Variants in GREM2 observed in about 807,000 individuals in gnomAD.
GREM2 encodes the protein gremlin-2.
A neutral mutation model predicts 14.2 loss-of-function variants in GREM2; 11 were observed. The observed-to-expected ratio is 0.78, with a 90% CI of 0.49 to 1.28. GREM2 has a LOEUF of 1.28. GREM2 is among the 50% of genes most tolerant of loss of function. The pLI, the probability that GREM2 is intolerant of heterozygous loss-of-function variation, is 0.00. For synonymous variants in GREM2, 98 were observed against 97.6 expected, an observed-to-expected ratio of 1.00 and a Z score of -0.02; for missense variants, 210 against 218.5, an observed-to-expected ratio of 0.96 and a Z score of 0.24.
intron 1 of GREM2, among the ~76,000 whole-genome samples, chr1:240,589,567 A>C (rs1679668146): frequency 6.6e-6 from 1 of 151,924 alleles, no homozygotes; most frequent in Non-Finnish European, 1.5e-5. Context: ...TATCTCTTCT[A>C]CTTTCTTTGG....
At chr1:240,589,409 T>A (rs1019053151) in intron 1 of GREM2, among the ~76,000 whole-genome samples, 1 of 146,914 alleles carries the variant, frequency 6.8e-6, no homozygotes, top group Non-Finnish European at 1.5e-5. Flanking sequence ...CACTCCAGCC[T>A]GGGCAACAAA....
intron 1 of GREM2, among the ~76,000 whole-genome samples, chr1:240,565,802 C>T (rs1160642615): frequency 2.7e-5 from 4 of 148,924 alleles, no homozygotes; most frequent in Non-Finnish European, 5.9e-5. Context: ...GCCAAGATCG[C>T]ACCACTGCAC....
At chr1:240,512,587 T>TACTTTTTGCTA (rs1677858278) in intron 1 of GREM2, among the ~76,000 whole-genome samples, 1 of 62,522 alleles carries the variant, frequency 1.6e-5, no homozygotes, top group Admixed American at 1.4e-4. Flanking sequence ...CAGTTTGCTC[T>TACTTTTTGCTA]ACTTTTTGCT....
At chr1:240,551,866 T>A (rs1260287789) in intron 1 of GREM2, among the ~76,000 whole-genome samples, 1 of 152,178 alleles carries the variant, frequency 6.6e-6, no homozygotes, top group African/African-American at 2.4e-5. Context: ...TCATAGTTTC[T>A]TCAAGAAAGA....
intron 1 of GREM2, among the ~76,000 whole-genome samples, chr1:240,516,371 G>A (rs1213476057): frequency 6.6e-6 from 1 of 152,060 alleles, no homozygotes; most frequent in Non-Finnish European, 1.5e-5. Flanking sequence ...ATTTGATGTT[G>A]AAAATCCAGT....
intron 1 of GREM2, among the ~76,000 whole-genome samples, chr1:240,507,252 C>G (rs948202479): frequency 1.1e-4 from 16 of 152,142 alleles, no homozygotes; most frequent in African/African-American, 3.1e-4. Context: ...TTTTTCCTTC[C>G]CTCCATTCCT....
Position 240,491,281 on chromosome 1 carries a change from T to A in GREM2, c.*1688A>T, listed in dbSNP as rs1572358426. ...AGTCCCCACAGCGGCTTGCAGAGGG[T>A]CTCTCTCACATACTAGGGAAGTGGC... On this transcript the variant is annotated 3_prime_UTR_variant, in exon 2 of 2. Coordinates refer to ENST00000318160, the MANE Select transcript of GREM2 (RefSeq NM_022469.4). 1 of 152,204 alleles carries A rather than the reference T, an allele frequency of 6.6e-6. No homozygotes were observed. Among genetic ancestry groups the A allele is most frequent in the Non-Finnish European group, 1.5e-5 (1 of 67,998 alleles). The allele number at this position is 152,204 out of a possible 1,614,324, so 9.4% of individuals were successfully genotyped here.
chr1:240,507,279 G>T (rs1381928399), intron 1 of GREM2, among the ~76,000 whole-genome samples: 1 of 151,636 alleles, frequency 6.6e-6, no homozygotes, highest in Non-Finnish European at 1.5e-5. Flanking sequence ...CTGCCTTCCT[G>T]CCTTCCTCCC....
chr1:240,578,595 G>A (rs901474632), intron 1 of GREM2, among the ~76,000 whole-genome samples: 1 of 151,856 alleles, frequency 6.6e-6, no homozygotes, highest in Non-Finnish European at 1.5e-5. Context: ...GACCAGCCTG[G>A]ACAATGTGGT....
intron 1 of GREM2, among the ~76,000 whole-genome samples, chr1:240,556,126 C>A (rs1313375760): frequency 1.3e-5 from 2 of 152,168 alleles, no homozygotes; most frequent in Admixed American, 1.3e-4. Flanking sequence ...GATTCCAATA[C>A]CCTCAAGTAG....
At chr1:240,494,718 G>A (rs1572361219) in intron 1 of GREM2, among the ~76,000 whole-genome samples, 3 of 151,938 alleles carry the variant, frequency 2.0e-5, no homozygotes, top group South Asian at 2.1e-4. Flanking sequence ...TGGCTAACAC[G>A]GTGAAACCCT....
At chr1:240,551,537 CG>C (rs1678852008) in intron 1 of GREM2, among the ~76,000 whole-genome samples, 1 of 151,966 alleles carries the variant, frequency 6.6e-6, no homozygotes, top group African/African-American at 2.4e-5. Flanking sequence ...GTAGTAGAGA[CG>C]GGGTTTCACA....
At chr1:240,604,660 A>G (rs1434963023) in intron 1 of GREM2, among the ~76,000 whole-genome samples, 3 of 152,160 alleles carry the variant, frequency 2.0e-5, no homozygotes, top group Non-Finnish European at 4.4e-5. Flanking sequence ...CTCAATTCTT[A>G]TAGAACACCA....
chr1:240,529,017 G>C (rs909259610), intron 1 of GREM2, among the ~76,000 whole-genome samples: 5 of 152,058 alleles, frequency 3.3e-5, no homozygotes, highest in South Asian at 2.1e-4. Context: ...AAAACTGTTT[G>C]GATTGTATTT....
At position 240,581,443 on chromosome 1, in the gene GREM2, C is replaced by T. The variant is rs576037780; in HGVS notation, c.-2+30441G>A. On this transcript the variant is annotated intron_variant, in intron 1 of 1. Coordinates refer to ENST00000318160, the MANE Select transcript of GREM2 (RefSeq NM_022469.4). Reference sequence around the variant, plus strand: ...TTAGCAGGGCCTGATATGTGGTAAACGCTCATAGATTGTAGCTATTATTAA... The same window carrying T: ...TTAGCAGGGCCTGATATGTGGTAAATGCTCATAGATTGTAGCTATTATTAA... 7.2e-5 allele frequency among the ~76,000 whole-genome samples: 11 copies of T among 152,146 alleles called. No homozygotes were observed. In the East Asian group the frequency reaches 7.7e-4, roughly 11 times the overall value.
chr1:240,607,852 T>G (rs570814437), intron 1 of GREM2, among the ~76,000 whole-genome samples: 14 of 152,344 alleles, frequency 9.2e-5, no homozygotes, highest in Non-Finnish European at 1.5e-4. Context: ...TTGCTGTTAT[T>G]GTTTTTGCAT....
rs138286542 is a variant in GREM2 at position 240,522,948 on chromosome 1, C to T, written c.-1-29472G>A. On this transcript the variant is annotated intron_variant, in intron 1 of 1. Coordinates refer to ENST00000318160, the MANE Select transcript of GREM2 (RefSeq NM_022469.4). ...AAAAAAGATTCAACAATGACTTTAACCATGAAAAAAGAAGACAGTGCTATT... is the reference window on the plus strand; with the variant it reads ...AAAAAAGATTCAACAATGACTTTAATCATGAAAAAAGAAGACAGTGCTATT... Among the ~76,000 whole-genome samples the T allele has an allele frequency of 5.8e-3, 883 of 152,232 alleles. 14 individuals carry two copies. The highest frequency in any genetic ancestry group is 5.0e-3 in the Non-Finnish European group (341 of 68,012).
At chr1:240,541,251 C>T (rs1199516023) in intron 1 of GREM2, among the ~76,000 whole-genome samples, 2 of 152,124 alleles carry the variant, frequency 1.3e-5, no homozygotes, top group Non-Finnish European at 2.9e-5. Flanking sequence ...CCACAGGGTC[C>T]ATGGATTGAC....
intron 1 of GREM2, among the ~76,000 whole-genome samples, chr1:240,544,966 AT>A (rs1481278302): frequency 6.6e-6 from 1 of 152,230 alleles, no homozygotes; most frequent in African/African-American, 2.4e-5. Context: ...TTATTGTGAT[AT>A]TGTGAAATAC....
Sources: allele counts gnomAD v4.1 joint callset (sites outside exome capture counted in the v4.1 genomes callset), GRCh38; gene constraint gnomAD v4.1.1; transcripts MANE v1.5; gene names NCBI Gene and HGNC (gene_info 2026-07-23, HGNC 2026-07-21).